FAAH2: variants seen among roughly 807,000 people sequenced by gnomAD.
The protein encoded by FAAH2 is fatty-acid amide hydrolase 2.
FAAH2 carries 60 observed loss-of-function variants against 36.9 expected under a neutral mutation model. The ratio of observed to expected loss-of-function variants is 1.63; its 90% CI spans 1.32 to 2.02. The LOEUF (loss-of-function observed/expected upper bound fraction) is 2.02. Among genes scored for constraint, FAAH2 ranks in the 30% most tolerant of loss-of-function variants. The pLI is 0.00. For synonymous variants in FAAH2, 214 were observed against 143.8 expected (o/e 1.49, Z -3.49); for missense variants, 689 against 397.5 (o/e 1.73, Z -6.23).
At chrX:57,470,896 C>T (rs1483185288) in intron 10 of FAAH2, among the ~76,000 whole-genome samples, 1 of 111,551 alleles carries the variant, frequency 9.0e-6, no homozygotes, top group Non-Finnish European at 1.9e-5. Context: ...GCTTATCCAC[C>T]ATGATCAAGT....
intron 2 of FAAH2, among the ~76,000 whole-genome samples, chrX:57,301,572 C>G (rs981678644): frequency 9.5e-6 from 1 of 104,875 alleles, no homozygotes; most frequent in African/African-American, 3.5e-5. Context: ...TGTAACAAAC[C>G]TGCACGTTGT....
chrX:57,350,996 G>T (rs1408316332), intron 5 of FAAH2, among the ~76,000 whole-genome samples: 1 of 111,456 alleles, frequency 9.0e-6, no homozygotes, highest in Non-Finnish European at 1.9e-5. Flanking sequence ...GGATGTAATA[G>T]ATATTTAGAG....
chrX:57,305,579 G>A (rs752049782), intron 2 of FAAH2, among the ~76,000 whole-genome samples: 7 of 111,500 alleles, frequency 6.3e-5, no homozygotes, highest in Admixed American at 2.9e-4. Context: ...AAAAGCCAAA[G>A]GATATCTGTA....
At chrX:57,176,569 G>T in the FAAH2 span, among the ~76,000 whole-genome samples, 2 of 111,101 alleles carry the variant, frequency 1.8e-5, no homozygotes, top group East Asian at 2.8e-4. Context: ...TCTTCATCTG[G>T]TTTTTCAAAG....
intron 2 of FAAH2, among the ~76,000 whole-genome samples, chrX:57,301,474 AG>A (rs1416146437): frequency 6.0e-5 from 3 of 49,965 alleles, no homozygotes; most frequent in South Asian, 1.6e-3. Context: ...GGGTGGGGGG[AG>A]GGGGGATGGA....
At chrX:57,448,459 TA>T in intron 9 of FAAH2, 64 bp from the exon 10 acceptor site, 1 of 996,418 alleles carries the variant, frequency 1.0e-6, no homozygotes, top group Non-Finnish European at 1.4e-6. Flanking sequence ...TAAGAAAAGA[TA>T]AAGAACACTA....
chrX:57,332,229 A>G (rs1411826531), intron 4 of FAAH2, among the ~76,000 whole-genome samples: 2 of 112,218 alleles, frequency 1.8e-5, no homozygotes, highest in Admixed American at 1.9e-4. Context: ...TTAATATATG[A>G]CCTTGGTCAC....
chrX:57,472,186 A>G (rs1011502761), intron 10 of FAAH2, among the ~76,000 whole-genome samples: 17 of 112,148 alleles, frequency 1.5e-4, no homozygotes, highest in African/African-American at 3.9e-4. Flanking sequence ...GGCATGGGCA[A>G]GGACTTCATG....
At chrX:57,307,753 G>A (rs190455914) in intron 2 of FAAH2, among the ~76,000 whole-genome samples, 22 of 110,944 alleles carry the variant, frequency 2.0e-4, no homozygotes, top group African/African-American at 6.9e-4. Flanking sequence ...AGTGAGTATA[G>A]TATCCAACAG....
upstream of FAAH2, among the ~76,000 whole-genome samples, chrX:57,284,396 A>AAACAAC (rs201402751): frequency 2.8e-5 from 3 of 107,108 alleles, no homozygotes; most frequent in Admixed American, 3.0e-4. Flanking sequence ...TAACAAAACA[A>AAACAAC]AACAACAACA....
At chrX:57,416,966 A>C (rs1012142437) in intron 7 of FAAH2, among the ~76,000 whole-genome samples, 3 of 110,348 alleles carry the variant, frequency 2.7e-5, no homozygotes, top group Admixed American at 9.7e-5. Flanking sequence ...TTAACGCTTT[A>C]TTTTATTAAG....
chrX:57,396,557 T>C (rs1042486217), intron 7 of FAAH2, among the ~76,000 whole-genome samples: 1 of 111,077 alleles, frequency 9.0e-6, no homozygotes, highest in African/African-American at 3.3e-5. Context: ...TTCAAAAATA[T>C]TATTTTATTT....
the FAAH2 span, among the ~76,000 whole-genome samples, chrX:57,171,297 AT>A: frequency 9.0e-6 from 1 of 111,731 alleles, no homozygotes; most frequent in African/African-American, 3.3e-5. Context: ...GCTGGATCAA[AT>A]GTTAGATCGA....
intron 3 of FAAH2, among the ~76,000 whole-genome samples, chrX:57,330,588 C>A: frequency 9.0e-6 from 1 of 111,243 alleles, no homozygotes; most frequent in Middle Eastern, 4.2e-3. Context: ...TTGTGACCCA[C>A]ACCCTATTTG....
the FAAH2 span, among the ~76,000 whole-genome samples, chrX:57,152,688 A>T: frequency 2.7e-5 from 3 of 111,780 alleles, no homozygotes; most frequent in Non-Finnish European, 5.6e-5. Context: ...TTTGAGTAGG[A>T]AAGGGATCTC....
At chrX:57,348,744 G>A (rs1439869538) in intron 5 of FAAH2, among the ~76,000 whole-genome samples, 3 of 111,081 alleles carry the variant, frequency 2.7e-5, no homozygotes, top group Middle Eastern at 4.7e-3. Context: ...CAAAGCCAAA[G>A]GGCTCAACAC....
At chrX:57,472,943 A>AG (rs1307441993) in intron 10 of FAAH2, among the ~76,000 whole-genome samples, 1 of 110,801 alleles carries the variant, frequency 9.0e-6, no homozygotes, top group African/African-American at 3.3e-5. Flanking sequence ...TAGTCCTGCT[A>AG]GGGGTCTGTC....
At chrX:57,385,447 A>C (rs2054994210) in intron 7 of FAAH2, among the ~76,000 whole-genome samples, 1 of 111,491 alleles carries the variant, frequency 9.0e-6, no homozygotes, top group African/African-American at 3.3e-5. Context: ...GGAAAGTCCA[A>C]GATCAAGGTT....
chrX:57,210,216 A>G, the FAAH2 span, among the ~76,000 whole-genome samples: 1 of 111,209 alleles, frequency 9.0e-6, no homozygotes, highest in Non-Finnish European at 1.9e-5. Context: ...TGGAGGGAAA[A>G]TCTGTGTAGA....
Sources: gnomAD v4.1 joint callset for allele counts (sites outside exome capture counted in the v4.1 genomes callset) on GRCh38, gnomAD v4.1.1 for gene constraint, MANE v1.5 for transcripts, NCBI Gene and HGNC (gene_info 2026-07-23, HGNC 2026-07-21) for gene names.